Variants in ESRP2 observed in about 807,000 individuals in gnomAD.
ESRP2 encodes the protein RNA binding motif protein 35A.
A neutral mutation model predicts 78.6 loss-of-function variants in ESRP2; 48 were observed. That is an observed-to-expected ratio of 0.61 (90% CI 0.48 to 0.78). The LOEUF (loss-of-function observed/expected upper bound fraction) is 0.78. ESRP2 is among the 30% of genes least tolerant of loss of function. ESRP2 has a pLI of 0.00. For missense variants in ESRP2, 863 were observed against 965.9 expected, an observed-to-expected ratio of 0.89 and a Z score of 1.41; for synonymous variants, 383 against 406.7, an observed-to-expected ratio of 0.94 and a Z score of 0.70.
rs2042138186 is a variant in ESRP2 at position 68,231,425 on chromosome 16, C to A, written c.1513-49G>T. The A allele has an allele frequency of 6.2e-7, 1 of 1,613,362 alleles. No homozygotes were observed. Among genetic ancestry groups the A allele is most frequent in the Non-Finnish European group, 8.5e-7 (1 of 1,179,546 alleles). Reference sequence around the variant, plus strand: ...GTTTGTCATGTGTAAGAGTGCCTTACCCCTAACACACACCCCTTCCTATTT... The same window carrying A: ...GTTTGTCATGTGTAAGAGTGCCTTAACCCTAACACACACCCCTTCCTATTT... On this transcript the variant is annotated intron_variant, in intron 11 of 14. Coordinates refer to ENST00000473183, the MANE Select transcript of ESRP2 (RefSeq NM_024939.3). The surrounding 1 kb of genome is among the most constrained non-coding windows in gnomAD (Gnocchi z 6.0).
chr16:68,233,587 A>G, intron 4 of ESRP2, 162 bp from the exon 5 acceptor site: 1 of 702,528 alleles, frequency 1.4e-6, no homozygotes, highest in Non-Finnish European at 2.4e-6. Flanking sequence ...CCAGACATAG[A>G]CAGACACATA....
At position 68,232,168 on chromosome 16, in the gene ESRP2, G is replaced by A. The variant is rs1298863699; in HGVS notation, c.998-65C>T. ...TCCAGACACTCACCCATGCAGGGGA[G>A]CAGGCAGGCAAGGGGTGGTGGGGAA... On this transcript the variant is annotated intron_variant, in intron 9 of 14. Transcript: ENST00000473183. This position sits in a 1 kb window ranked among gnomAD's most constrained non-coding sequence, Gnocchi z 5.2. The A allele has an allele frequency of 6.2e-7, 1 of 1,612,774 alleles. No individual in the cohort carries two copies. The highest frequency in any genetic ancestry group is 1.7e-5 in the Admixed American group (1 of 59,870).
chr16:68,233,525 G>A (rs1481196867), intron 4 of ESRP2, 100 bp from the exon 5 acceptor site: 3 of 947,130 alleles, frequency 3.2e-6, no homozygotes, highest in Non-Finnish European at 5.2e-6. Flanking sequence ...CTGGAGACCA[G>A]CATACACATT....
In ESRP2 at chr16:68,230,890, G is replaced by A. The variant is rs36054935; in HGVS notation, c.1849C>T (p.Pro617Ser). Reference sequence around the variant, plus strand: ...AGGTAGAGTTGAGTGGCTGGCCCTGGATAGTAGGCAACAGGGGTGGGGGCA... The same window carrying A: ...AGGTAGAGTTGAGTGGCTGGCCCTGAATAGTAGGCAACAGGGGTGGGGGCA... ...PAAPTPVAYY[P>S]GPATQLYLNY... The change falls in exon 13 of 15, where the codon CCA (proline) becomes TCA (serine). Residue 617 changes from proline (P) to serine (S), a missense_variant. Physicochemically the swap from Pro to Ser is moderately conservative, Grantham distance 74. Coordinates refer to ENST00000473183, the MANE Select transcript of ESRP2 (RefSeq NM_024939.3). 573 of 1,613,980 alleles carry A rather than the reference G, an allele frequency of 3.6e-4. 6 individuals are homozygous for A. In the African/African-American group the frequency reaches 6.4e-3, roughly 18 times the overall value.
intron 5 of ESRP2, 41 bp downstream of exon 5, chr16:68,233,286 C>T (rs1264159994): frequency 7.2e-7 from 1 of 1,398,142 alleles, no homozygotes; most frequent in South Asian, 1.2e-5. Context: ...AGGCATTTGT[C>T]ATCCCTGAGA....
At chr16:68,234,312 A>G (rs2042191503) in intron 2 of ESRP2, 1 of 572,684 alleles carries the variant, frequency 1.7e-6, no homozygotes, top group African/African-American at 1.9e-5. Flanking sequence ...GTCCACTGTC[A>G]CCTCCTCCAG....
chr16:68,229,801 A>C lies in ESRP2; in HGVS notation c.*425T>G, dbSNP rs995064323. ...AGGTAGAACATTGGGATCTTTACTC[A>C]GAGGCTCAGATGGACCCTTGATTCT... On this transcript the variant is annotated 3_prime_UTR_variant, in exon 15 of 15. Transcript: ENST00000473183. 5.5e-6 allele frequency: 1 copy of C among 180,720 alleles called. No homozygotes were observed. The highest frequency in any genetic ancestry group is 2.3e-5 in the African/African-American group (1 of 42,680). 11.2% of individuals were successfully genotyped at this position (180,720 alleles called of 1,614,324 possible). A position where few individuals can be genotyped will look rare whatever the true frequency, so the allele number is the denominator to read the frequency against.
Position 68,232,515 on chromosome 16 carries a change from G to A in ESRP2, c.822-12C>T. Reference sequence around the variant, plus strand: ...GTGCTACACCACCCCTGTGGAGCCAGTGCTGTTAGTGCCTCCTGGGTAGGC... The same window carrying A: ...GTGCTACACCACCCCTGTGGAGCCAATGCTGTTAGTGCCTCCTGGGTAGGC... On this transcript the variant is annotated splice_polypyrimidine_tract_variant and intron_variant, in intron 7 of 14. Coordinates refer to ENST00000473183, the MANE Select transcript of ESRP2 (RefSeq NM_024939.3). The surrounding 1 kb of genome is among the most constrained non-coding windows in gnomAD (Gnocchi z 5.2). 1 of 1,614,080 alleles carries A rather than the reference G, an allele frequency of 6.2e-7. No homozygotes were observed. Among genetic ancestry groups the A allele is most frequent in the Non-Finnish European group, 8.5e-7 (1 of 1,179,964 alleles).
Position 68,232,549 on chromosome 16 carries a change from T to C in ESRP2, c.821+28A>G, listed in dbSNP as rs760922826. ...GTGCCTCCTGGGTAGGCCTGTCCAA[T>C]TGGGCCCACCCACCCTGCCACACCC... On this transcript the variant is annotated intron_variant, in intron 7 of 14. Coordinates refer to ENST00000473183, the MANE Select transcript of ESRP2 (RefSeq NM_024939.3). The surrounding 1 kb of genome is among the most constrained non-coding windows in gnomAD (Gnocchi z 5.2). The C allele has an allele frequency of 2.5e-6, 4 of 1,614,012 alleles. No individual in the cohort carries two copies. The highest frequency in any genetic ancestry group is 1.6e-4 in the Middle Eastern group (1 of 6,062).
At position 68,230,560 on chromosome 16, in the gene ESRP2, G is replaced by A. The variant is rs1413370266; in HGVS notation, c.1899-6C>T. The A allele has an allele frequency of 1.3e-6, 2 of 1,554,010 alleles. No individual in the cohort carries two copies. Among genetic ancestry groups the A allele is most frequent in the Non-Finnish European group, 1.7e-6 (2 of 1,149,780 alleles). On this transcript the variant is annotated splice_region_variant and splice_polypyrimidine_tract_variant and intron_variant, in intron 13 of 14. Coordinates refer to ENST00000473183, the MANE Select transcript of ESRP2 (RefSeq NM_024939.3). ...TGGTGGGGGAGACTGGGGGGCTAGG[G>A]TGGGAGAGACAAGGTTTAGTCATGC...
In ESRP2 at chr16:68,233,797, C is replaced by T; in HGVS notation, c.527G>A (p.Arg176Lys). ...HMQHPSTCPA[R>K]DLTVATMAQG... ...TGCCATGGTGGCCACAGTGAGGTCC[C>T]TGGCAGGGCAGGTGCTTGGATGCTG... The change falls in exon 4 of 15, where the codon AGG becomes AAG. Residue 176 changes from arginine to lysine, a missense_variant. Transcript: ENST00000473183. 6.2e-7 allele frequency: 1 copy of T among 1,614,000 alleles called. No individual in the cohort carries two copies. Among genetic ancestry groups the T allele is most frequent in the Non-Finnish European group, 8.5e-7 (1 of 1,179,968 alleles).
rs969417287 is a variant in ESRP2 at position 68,235,095 on chromosome 16, C to T, written c.327+539G>A. 2 of 987,322 alleles carry T rather than the reference C, an allele frequency of 2.0e-6. No individual in the cohort carries two copies. The highest frequency in any genetic ancestry group is 3.5e-5 in the African/African-American group (2 of 57,240). 61.2% of individuals were successfully genotyped at this position (987,322 alleles called of 1,614,324 possible). A position where few individuals can be genotyped will look rare whatever the true frequency, so the allele number is the denominator to read the frequency against. ...CTTTGCACTCAGCAGGCAGATAGTC[C>T]CCCAGGCCAGGCCGGGACAGCGCCC... On this transcript the variant is annotated intron_variant, in intron 2 of 14. Coordinates refer to ENST00000473183, the MANE Select transcript of ESRP2 (RefSeq NM_024939.3). The surrounding 1 kb of genome is among the most constrained non-coding windows in gnomAD (Gnocchi z 5.5).
In ESRP2 at chr16:68,229,212, C is replaced by G. The variant is rs1370394793; in HGVS notation, c.*1014G>C. ...AGGGAAGAAGAGCCAGCAGTTGAGGCTCCTCAGTTTTAGTGCTGAAATAAT... is the reference window on the plus strand; with the variant it reads ...AGGGAAGAAGAGCCAGCAGTTGAGGGTCCTCAGTTTTAGTGCTGAAATAAT... On this transcript the variant is annotated 3_prime_UTR_variant, in exon 15 of 15. Coordinates refer to ENST00000473183, the MANE Select transcript of ESRP2 (RefSeq NM_024939.3). 1.3e-5 allele frequency: 2 copies of G among 152,210 alleles called. No homozygotes were observed. Among genetic ancestry groups the G allele is most frequent in the Non-Finnish European group, 2.9e-5 (2 of 68,036 alleles). 9.4% of individuals were successfully genotyped at this position (152,210 alleles called of 1,614,324 possible). A position where few individuals can be genotyped will look rare whatever the true frequency, so the allele number is the denominator to read the frequency against.
At position 68,231,154 on chromosome 16, in the gene ESRP2, T is replaced by C. The variant is rs1312849235; in HGVS notation, c.1711+24A>G. 3 of 1,612,236 alleles carry C rather than the reference T, an allele frequency of 1.9e-6. No homozygotes were observed. Among genetic ancestry groups the C allele is most frequent in the African/African-American group, 1.3e-5 (1 of 74,842 alleles). On this transcript the variant is annotated intron_variant, in intron 12 of 14. Coordinates refer to ENST00000473183, the MANE Select transcript of ESRP2 (RefSeq NM_024939.3). The surrounding 1 kb of genome is among the most constrained non-coding windows in gnomAD (Gnocchi z 6.0). ...AGCCTGGCTACCACAGGCCTCCTCCTCCCCTAGCCCCTAGGGCACTCACAG... is the reference window on the plus strand; with the variant it reads ...AGCCTGGCTACCACAGGCCTCCTCCCCCCCTAGCCCCTAGGGCACTCACAG...
Position 68,232,473 on chromosome 16 carries a change from CTGGGCG to C in ESRP2, c.846_851del (p.Asn282_Gln284delinsLys), listed in dbSNP as rs750936179. 1 of 1,614,184 alleles carries C rather than the reference CTGGGCG, an allele frequency of 6.2e-7. No individual in the cohort carries two copies. Among genetic ancestry groups the C allele is most frequent in the Non-Finnish European group, 8.5e-7 (1 of 1,180,044 alleles). ...TGAGGGCCTCGCCATTTCTGCGGCC[CTGGGCG>C]TTGAGGCAGAGTGCTACACCACCCC... On this transcript the variant is annotated inframe_deletion, in exon 8 of 15. Transcript: ENST00000473183. The surrounding 1 kb of genome is among the most constrained non-coding windows in gnomAD (Gnocchi z 5.2).
In ESRP2 at chr16:68,232,125, T is replaced by C; in HGVS notation, c.998-22A>G. Reference sequence around the variant, plus strand: ...GTGCCTGTGTATGAGAGTCGCCTGCTGACTTCACTCATGCTCCTCCAGACA... The same window carrying C: ...GTGCCTGTGTATGAGAGTCGCCTGCCGACTTCACTCATGCTCCTCCAGACA... On this transcript the variant is annotated intron_variant, in intron 9 of 14. Transcript: ENST00000473183. The surrounding 1 kb of genome is among the most constrained non-coding windows in gnomAD (Gnocchi z 5.2). The C allele has an allele frequency of 6.2e-7, 1 of 1,610,084 alleles. No individual in the cohort carries two copies.
In ESRP2 at chr16:68,231,459, C is replaced by A; in HGVS notation, c.1512+23G>T. ...CACACCCCTTCCTATTTATGTGTTC[C>A]CCCTACCAAGCAGTGGCTTCACCTG... On this transcript the variant is annotated intron_variant, in intron 11 of 14. Transcript: ENST00000473183. This position sits in a 1 kb window ranked among gnomAD's most constrained non-coding sequence, Gnocchi z 6.0. The A allele has an allele frequency of 6.2e-7, 1 of 1,613,890 alleles. No homozygotes were observed. The highest frequency in any genetic ancestry group is 8.5e-7 in the Non-Finnish European group (1 of 1,179,890).
In ESRP2 at chr16:68,235,476, G is replaced by T. The variant is rs2042212231; in HGVS notation, c.327+158C>A. The T allele has an allele frequency of 1.0e-6, 1 of 985,352 alleles. No homozygotes were observed. Among genetic ancestry groups the T allele is most frequent in the African/African-American group, 1.7e-5 (1 of 57,248 alleles). 61.0% of individuals were successfully genotyped at this position (985,352 alleles called of 1,614,324 possible). A position where few individuals can be genotyped will look rare whatever the true frequency, so the allele number is the denominator to read the frequency against. ...TGGCTGGCACGCGCGGATGAAAGGG[G>T]CACGCACACGCGAGAGTCGCTCAAA... On this transcript the variant is annotated intron_variant, in intron 2 of 14. Transcript: ENST00000473183. This position sits in a 1 kb window ranked among gnomAD's most constrained non-coding sequence, Gnocchi z 5.5.
rs756864203 is a variant in ESRP2, at chr16:68,235,673, G to A, written c.288C>T (p.Ser96=). The A allele has an allele frequency of 1.9e-6, 3 of 1,598,520 alleles. No individual in the cohort carries two copies. Among genetic ancestry groups the A allele is most frequent in the South Asian group, 2.2e-5 (2 of 90,906 alleles). Residue 96 remains serine (S), a synonymous_variant, in exon 2 of 15, where the codon AGC becomes AGT. Coordinates refer to ENST00000473183, the MANE Select transcript of ESRP2 (RefSeq NM_024939.3). This position sits in a 1 kb window ranked among gnomAD's most constrained non-coding sequence, Gnocchi z 5.5. ...TGTCCAGCGGCTCTGCCCGCGCCAG[G>A]CTGTCGGCGCTCAGGCCGCTCGCCT... is the stretch of plus-strand genomic sequence containing the variant. ...CREASGLSAD[S]LARAEPLDKV...
Sources: allele counts gnomAD v4.1 joint callset, GRCh38; gene constraint gnomAD v4.1.1; non-coding constraint Gnocchi (gnomAD v3.1); transcripts MANE v1.5; gene names NCBI Gene and HGNC (gene_info 2026-07-23, HGNC 2026-07-21).